Variants in ARHGAP15 observed in about 807,000 individuals in gnomAD.
ARHGAP15 encodes rho GTPase-activating protein 15.
A neutral mutation model predicts 63.7 loss-of-function variants in ARHGAP15; 51 were observed. The ratio of observed to expected loss-of-function variants is 0.80; its 90% confidence interval spans 0.64 to 1.01. The LOEUF (loss-of-function observed/expected upper bound fraction) is 1.01. Among genes scored for constraint, ARHGAP15 ranks in the 50% least tolerant of loss-of-function variants. The pLI, the probability that ARHGAP15 is intolerant of heterozygous loss-of-function variation, is 0.00. For missense variants in ARHGAP15, 560 were observed against 564.6 expected (o/e 0.99, Z 0.08); for synonymous variants, 191 against 193.8 (o/e 0.99, Z 0.12).
intron 13 of ARHGAP15, among the ~76,000 whole-genome samples, chr2:143,765,760 T>G (rs1686926940): frequency 6.6e-6 from 1 of 152,016 alleles, no homozygotes; most frequent in Non-Finnish European, 1.5e-5. Flanking sequence ...TTACAGACAC[T>G]GACAGTGATG....
intron 6 of ARHGAP15, among the ~76,000 whole-genome samples, chr2:143,287,851 G>T (rs1003218495): frequency 2.0e-5 from 3 of 151,990 alleles, no homozygotes; most frequent in African/African-American, 7.2e-5. Context: ...CTGCTCTGTG[G>T]GTCTCTCCAG....
chr2:143,151,392 T>C (rs1287785971), intron 1 of ARHGAP15, among the ~76,000 whole-genome samples: 1 of 152,020 alleles, frequency 6.6e-6, no homozygotes, highest in Non-Finnish European at 1.5e-5. Context: ...TCTGAATTTA[T>C]GTAAGGGCAT....
intron 11 of ARHGAP15, among the ~76,000 whole-genome samples, chr2:143,587,471 C>CTATG: frequency 6.6e-6 from 1 of 152,136 alleles, no homozygotes; most frequent in Middle Eastern, 3.2e-3. Context: ...TAGAAATAAT[C>CTATG]TATGACCTGA....
intron 11 of ARHGAP15, among the ~76,000 whole-genome samples, chr2:143,613,546 C>T (rs1409224469): frequency 6.6e-6 from 1 of 152,018 alleles, no homozygotes; most frequent in Admixed American, 6.6e-5. Context: ...TCAGATAATC[C>T]AAATGGATTC....
At chr2:143,379,417 G>T (rs1686958801) in intron 6 of ARHGAP15, among the ~76,000 whole-genome samples, 1 of 150,426 alleles carries the variant, frequency 6.6e-6, no homozygotes, top group South Asian at 2.1e-4. Flanking sequence ...ATAGTAAAAT[G>T]ACCCACACTG....
At chr2:143,447,884 G>T (rs1008137399) in intron 8 of ARHGAP15, among the ~76,000 whole-genome samples, 3 of 152,150 alleles carry the variant, frequency 2.0e-5, no homozygotes, top group Admixed American at 6.6e-5. Flanking sequence ...GCACTGTCCT[G>T]TTGATGGGTG....
intron 8 of ARHGAP15, among the ~76,000 whole-genome samples, chr2:143,459,055 A>G (rs1690796746): frequency 6.6e-6 from 1 of 152,058 alleles, no homozygotes; most frequent in Non-Finnish European, 1.5e-5. Flanking sequence ...CATAGTTGTA[A>G]ATTTTTATAC....
intron 13 of ARHGAP15, among the ~76,000 whole-genome samples, chr2:143,750,277 T>C (rs1391682838): frequency 6.6e-6 from 1 of 152,078 alleles, no homozygotes; most frequent in Admixed American, 6.5e-5. Flanking sequence ...CCATCTCTAT[T>C]AAAAATCCAA....
intron 2 of ARHGAP15, among the ~76,000 whole-genome samples, chr2:143,179,415 T>C (rs906575158): frequency 6.6e-6 from 1 of 152,214 alleles, no homozygotes; most frequent in Non-Finnish European, 1.5e-5. Context: ...AGCTCAACTG[T>C]GTCTAAGCAA....
chr2:143,654,033 C>CA (rs1360879335), intron 12 of ARHGAP15, among the ~76,000 whole-genome samples: 3 of 151,596 alleles, frequency 2.0e-5, no homozygotes, highest in Non-Finnish European at 2.9e-5. Flanking sequence ...AGGGGGTAGA[C>CA]AAAAAAAGAC....
chr2:143,722,191 T>TCA (rs139484994), intron 13 of ARHGAP15, among the ~76,000 whole-genome samples: 39 of 149,554 alleles, frequency 2.6e-4, no homozygotes, highest in African/African-American at 6.6e-4. Flanking sequence ...ACACACACAC[T>TCA]CACACACACA....
At chr2:143,189,121 A>G (rs1306626324) in intron 2 of ARHGAP15, among the ~76,000 whole-genome samples, 1 of 152,098 alleles carries the variant, frequency 6.6e-6, no homozygotes, top group Non-Finnish European at 1.5e-5. Context: ...GGTGGACAAT[A>G]TTTTCTCCTC....
chr2:143,354,121 G>A (rs1198183695), intron 6 of ARHGAP15, among the ~76,000 whole-genome samples: 1 of 151,948 alleles, frequency 6.6e-6, no homozygotes, highest in Non-Finnish European at 1.5e-5. Context: ...CACATTCATA[G>A]TTTAGAATGA....
chr2:143,750,329 C>A (rs1446194279), intron 13 of ARHGAP15, among the ~76,000 whole-genome samples: 1 of 152,006 alleles, frequency 6.6e-6, no homozygotes, highest in East Asian at 1.9e-4. Flanking sequence ...TAATCCCAGC[C>A]ACTCAGGAGG....
rs116395920 is a variant in ARHGAP15 at position 143,488,304 on chromosome 2, G to T, written c.826+809G>T. ...AGTAAATATTCTATGAATGCCCACT[G>T]CTTATTAATATAATTATTCATTGTT... On this transcript the variant is annotated intron_variant, in intron 9 of 13. Coordinates refer to ENST00000295095, the MANE Select transcript of ARHGAP15 (RefSeq NM_018460.4). Among the ~76,000 whole-genome samples, 1,235 of 152,236 alleles carry T rather than the reference G, an allele frequency of 8.1e-3. 10 individuals are homozygous for T. The highest frequency in any genetic ancestry group is 0.034 in the Middle Eastern group (10 of 294).
chr2:143,408,493 A>C (rs1688309092), intron 6 of ARHGAP15, among the ~76,000 whole-genome samples: 1 of 151,786 alleles, frequency 6.6e-6, no homozygotes, highest in Non-Finnish European at 1.5e-5. Context: ...ATTATTTCAC[A>C]TCTAAAAGTT....
chr2:143,375,062 G>T (rs1161084570), intron 6 of ARHGAP15, among the ~76,000 whole-genome samples: 1 of 152,070 alleles, frequency 6.6e-6, no homozygotes, highest in Non-Finnish European at 1.5e-5. Context: ...AAGGAAATTT[G>T]GCTAGATATG....
At chr2:143,568,843 A>G (rs1366538214) in intron 11 of ARHGAP15, among the ~76,000 whole-genome samples, 1 of 152,226 alleles carries the variant, frequency 6.6e-6, no homozygotes, top group African/African-American at 2.4e-5. Flanking sequence ...ATAAAAAAGG[A>G]TGAATTCATG....
rs766013855 is a variant in ARHGAP15 at position 143,556,331 on chromosome 2, CCTT to C, written c.926-73_926-71del. The C allele has an allele frequency of 1.3e-5, 15 of 1,114,130 alleles. 1 individual carries two copies. Among genetic ancestry groups the C allele is most frequent in the East Asian group, 7.6e-5 (3 of 39,668 alleles). The allele number at this position is 1,114,130 out of a possible 1,614,324, so 69.0% of individuals were successfully genotyped here. ...GAGAAGAATAGATATTTGATTTACT[CCTT>C]CTTTTCATAGATTTTTTTTAAACCA... On this transcript the variant is annotated intron_variant, in intron 10 of 13. Transcript: ENST00000295095.
Sources: gnomAD v4.1 joint callset for allele counts (sites outside exome capture counted in the v4.1 genomes callset) on GRCh38, gnomAD v4.1.1 for gene constraint, MANE v1.5 for transcripts, NCBI Gene and HGNC (gene_info 2026-07-23, HGNC 2026-07-21) for gene names.